ZFR2: variants seen among roughly 807,000 people sequenced by gnomAD.
ZFR2 encodes the protein zinc finger RNA-binding protein 2.
ZFR2 carries 104 observed loss-of-function variants against 105.7 expected under a neutral mutation model. The ratio of observed to expected loss-of-function variants is 0.98; its 90% confidence interval spans 0.84 to 1.16. The LOEUF is 1.16. Among genes scored for constraint, ZFR2 ranks in the 50% most tolerant of loss-of-function variants. The pLI, the probability that ZFR2 is intolerant of heterozygous loss-of-function variation, is 0.00. For missense variants in ZFR2, 1,425 were observed against 1,355.5 expected, an observed-to-expected ratio of 1.05 and a Z score of -0.80; for synonymous variants, 634 against 597.7, an observed-to-expected ratio of 1.06 and a Z score of -0.89.
At chr19:3,829,025 G>C (rs2368922) in intron 5 of ZFR2, among the ~76,000 whole-genome samples, 59,224 of 150,292 alleles carry the variant, frequency 0.39, 11,670 homozygotes, top group East Asian at 0.44. Flanking sequence ...GCAGTGGCGC[G>C]ATCTCAGCTC....
At position 3,823,178 on chromosome 19, in the gene ZFR2, C is replaced by A. The variant is rs1031182246; in HGVS notation, c.1371+68G>T. 2.5e-6 allele frequency: 4 copies of A among 1,606,912 alleles called. No individual in the cohort carries two copies. In the African/African-American group the frequency reaches 4.0e-5, roughly 16 times the overall value. ...CTCGCTGGGAGAAGCCGGGTGAGGT[C>A]TCGAAGCCTGATCCATGGGAAGGTC... On this transcript the variant is annotated intron_variant, in intron 8 of 18. Transcript: ENST00000262961. This position sits in a 1 kb window ranked among gnomAD's most constrained non-coding sequence, Gnocchi z 5.4.
chr19:3,807,481 T>G (rs1330180323), intron 17 of ZFR2, among the ~76,000 whole-genome samples: 1 of 152,226 alleles, frequency 6.6e-6, no homozygotes, highest in Non-Finnish European at 1.5e-5. Flanking sequence ...CAAAGCCTGT[T>G]GGGCTGCCAG....
At chr19:3,822,311 A>G in intron 8 of ZFR2, 111 bp from the exon 9 acceptor site, 1 of 1,478,904 alleles carries the variant, frequency 6.8e-7, no homozygotes. Flanking sequence ...CATTTTATTT[A>G]TGTATGTCTT....
At chr19:3,828,958 G>A (rs1055182159) in intron 5 of ZFR2, among the ~76,000 whole-genome samples, 2 of 132,530 alleles carry the variant, frequency 1.5e-5, no homozygotes, top group Non-Finnish European at 3.1e-5. Context: ...TGGAACTTAG[G>A]AATCTTTTTT....
At position 3,825,407 on chromosome 19, in the gene ZFR2, C is replaced by T; in HGVS notation, c.1036G>A (p.Val346Ile). Residue 346 changes from valine to isoleucine, a missense_variant and splice_region_variant, in exon 7 of 19, where the codon GTC becomes ATC. Physicochemically the swap from Val to Ile is conservative, Grantham distance 29. Coordinates refer to ENST00000262961, the MANE Select transcript of ZFR2 (RefSeq NM_015174.2). ...AHIRGSKHQK[V>I]FKLHAKLGKP... is the part of the protein sequence containing the mutation. ...CCCAGTTTGGCGTGCAGCTTGAAGA[C>T]CTGCAACAGACAGAGCCGGGCTCCC... 5 of 1,575,376 alleles carry T rather than the reference C, an allele frequency of 3.2e-6. No homozygotes were observed. The highest frequency in any genetic ancestry group is 4.3e-6 in the Non-Finnish European group (5 of 1,163,000).
chr19:3,834,650 C>T lies in ZFR2; in HGVS notation c.264+123G>A. 9.1e-7 allele frequency: 1 copy of T among 1,093,180 alleles called. No homozygotes were observed. Among genetic ancestry groups the T allele is most frequent in the Non-Finnish European group, 1.3e-6 (1 of 750,270 alleles). 67.7% of individuals were successfully genotyped at this position (1,093,180 alleles called of 1,614,324 possible). ...GGTACGCAATGCCAGCAGAAGGGTC[C>T]CGAAGGAAGGATCACGGTTAAGAGG... On this transcript the variant is annotated intron_variant, in intron 2 of 18. Coordinates refer to ENST00000262961, the MANE Select transcript of ZFR2 (RefSeq NM_015174.2). The surrounding 1 kb of genome is among the most constrained non-coding windows in gnomAD (Gnocchi z 5.3).
rs1251836421 is a variant in ZFR2 at position 3,813,559 on chromosome 19, CG to C, written c.2242+260del. ...CTGGGTAAGGGCAAGGGAGGTGACACGGTGTCGCTTGCCCGAGCAAGGCCCC... is the reference window on the plus strand; with the variant it reads ...CTGGGTAAGGGCAAGGGAGGTGACACGTGTCGCTTGCCCGAGCAAGGCCCC... On this transcript the variant is annotated intron_variant, in intron 14 of 18. Coordinates refer to ENST00000262961, the MANE Select transcript of ZFR2 (RefSeq NM_015174.2). This position sits in a 1 kb window ranked among gnomAD's most constrained non-coding sequence, Gnocchi z 4.4. Among the ~76,000 whole-genome samples, 2 of 152,184 alleles carry C rather than the reference CG, an allele frequency of 1.3e-5. No homozygotes were observed. The highest frequency in any genetic ancestry group is 3.9e-4 in the East Asian group (2 of 5,180).
At chr19:3,832,639 T>G (rs8108481) in intron 3 of ZFR2, among the ~76,000 whole-genome samples, 17 of 150,288 alleles carry the variant, frequency 1.1e-4, no homozygotes, top group African/African-American at 4.2e-4. Context: ...TTTTTTTTTT[T>G]TATTTTTTAT....
intron 1 of ZFR2, among the ~76,000 whole-genome samples, chr19:3,863,149 C>T (rs1047802012): frequency 1.3e-5 from 2 of 152,296 alleles, no homozygotes; most frequent in Non-Finnish European, 1.5e-5. Flanking sequence ...TGCCGGAGGG[C>T]GAGCGTGGCG....
intron 14 of ZFR2, among the ~76,000 whole-genome samples, chr19:3,811,769 T>A (rs531404892): frequency 1.3e-5 from 2 of 150,944 alleles, no homozygotes; most frequent in East Asian, 3.9e-4. Flanking sequence ...TTTTATTTTT[T>A]ACGTATTTAG....
At chr19:3,840,170 C>T (rs888953969) in intron 1 of ZFR2, among the ~76,000 whole-genome samples, 1 of 152,076 alleles carries the variant, frequency 6.6e-6, no homozygotes, top group African/African-American at 2.4e-5. Flanking sequence ...CCAGGCCCTG[C>T]ATCTTAGAGT....
At chr19:3,851,654 T>TA (rs2038239257) in intron 1 of ZFR2, among the ~76,000 whole-genome samples, 2 of 152,326 alleles carry the variant, frequency 1.3e-5, no homozygotes, top group South Asian at 4.1e-4. Flanking sequence ...GAAGGGTTTT[T>TA]AAGATGGAGT....
chr19:3,827,687 G>T, intron 5 of ZFR2, 34 bp from the exon 6 acceptor site: 1 of 1,558,558 alleles, frequency 6.4e-7, no homozygotes, highest in Non-Finnish European at 8.7e-7. Context: ...CCTGGGCGGG[G>T]GTTTGCACAC....
intron 1 of ZFR2, among the ~76,000 whole-genome samples, chr19:3,862,525 T>C (rs2038385022): frequency 6.6e-6 from 1 of 152,222 alleles, no homozygotes; most frequent in African/African-American, 2.4e-5. Context: ...CTGGAACTCT[T>C]GACCTCAGGT....
intron 1 of ZFR2, among the ~76,000 whole-genome samples, chr19:3,835,789 A>T (rs972246206): frequency 6.6e-6 from 1 of 150,632 alleles, no homozygotes; most frequent in Non-Finnish European, 1.5e-5. Context: ...CACCAAAATT[A>T]AAAAAAAACA....
rs1433646773 is a variant in ZFR2, at chr19:3,838,241, G to A, written c.54-3258C>T. Among the ~76,000 whole-genome samples, 1 of 152,184 alleles carries A rather than the reference G, an allele frequency of 6.6e-6. No homozygotes were observed. The highest frequency in any genetic ancestry group is 1.5e-5 in the Non-Finnish European group (1 of 68,036). On this transcript the variant is annotated intron_variant, in intron 1 of 18. Transcript: ENST00000262961. This position sits in a 1 kb window ranked among gnomAD's most constrained non-coding sequence, Gnocchi z 4.9. ...ATGAACACCGTGACTACTGACATTT[G>A]ATGAACACTGTGACTATGGACACTG...
At chr19:3,835,127 G>C in intron 1 of ZFR2, 144 bp from the exon 2 acceptor site, 1 of 896,908 alleles carries the variant, frequency 1.1e-6, no homozygotes, top group Admixed American at 2.1e-5. Flanking sequence ...GGCACGGCCG[G>C]AAGCACTTTA....
rs1033528254 is a variant in ZFR2, at chr19:3,805,005, G to C, written c.*944C>G. On this transcript the variant is annotated 3_prime_UTR_variant, in exon 19 of 19. Transcript: ENST00000262961. Reference sequence around the variant, plus strand: ...AGGGATCCTACGGCCTCAGCCTCCCGAGTAGCTGGGACTACAGGCTTGGGC... The same window carrying C: ...AGGGATCCTACGGCCTCAGCCTCCCCAGTAGCTGGGACTACAGGCTTGGGC... The C allele has an allele frequency of 6.6e-6, 1 of 151,822 alleles. No homozygotes were observed. The highest frequency in any genetic ancestry group is 1.5e-5 in the Non-Finnish European group (1 of 68,036). The allele number at this position is 151,822 out of a possible 1,614,324, so 9.4% of individuals were successfully genotyped here. A position where few individuals can be genotyped will look rare whatever the true frequency, so the allele number is the denominator to read the frequency against.
At chr19:3,810,906 C>T (rs955155457) in intron 15 of ZFR2, 61 bp from the exon 16 acceptor site, 77 of 1,521,124 alleles carry the variant, frequency 5.1e-5, no homozygotes, top group African/African-American at 4.6e-4. Flanking sequence ...GGCATGGCGC[C>T]GGGCTCTGTC....
Sources: allele counts gnomAD v4.1 joint callset (sites outside exome capture counted in the v4.1 genomes callset), GRCh38; gene constraint gnomAD v4.1.1; non-coding constraint Gnocchi (gnomAD v3.1); transcripts MANE v1.5; gene names NCBI Gene and HGNC (gene_info 2026-07-23, HGNC 2026-07-21).